Variants in METTL9 observed in about 807,000 individuals in gnomAD.
The protein encoded by METTL9 is protein-L-histidine N-pros-methyltransferase.
A neutral mutation model predicts 36.0 loss-of-function variants in METTL9; 10 were observed. That is an observed-to-expected ratio of 0.28 (90% CI 0.17 to 0.47). The LOEUF is 0.47. Ranked by LOEUF, METTL9 falls within the 20% of genes least tolerant of loss-of-function variation. The pLI is 0.99. For synonymous variants in METTL9, 175 were observed against 149.7 expected, an observed-to-expected ratio of 1.17 and a Z score of -1.23; for missense variants, 246 against 383.5, an observed-to-expected ratio of 0.64 and a Z score of 3.00.
chr16:21,605,940 G>A (rs1965275455), intron 1 of METTL9, among the ~76,000 whole-genome samples: 1 of 152,118 alleles, frequency 6.6e-6, no homozygotes, highest in Non-Finnish European at 1.5e-5. Context: ...TTCCCAGGCT[G>A]CCAGTGCTTT....
At chr16:21,611,185 C>T (rs1965416688) in intron 1 of METTL9, among the ~76,000 whole-genome samples, 2 of 152,156 alleles carry the variant, frequency 1.3e-5, no homozygotes, top group Admixed American at 1.3e-4. Flanking sequence ...AATTAGTCCA[C>T]AACTGGAAAG....
At chr16:21,638,575 C>T (rs574509049) in intron 4 of METTL9, among the ~76,000 whole-genome samples, 1 of 152,308 alleles carries the variant, frequency 6.6e-6, no homozygotes, top group South Asian at 2.1e-4. Flanking sequence ...ATGAGAATCA[C>T]GCTTTTGCTC....
At position 21,617,916 on chromosome 16, in the gene METTL9, A is replaced by T; in HGVS notation, c.408A>T (p.Arg136Ser). ...TGTTTTCACCAGATCAGTTTCAGAGACTGCTTAAAATTAATCCAGACTGGA... is the reference window on the plus strand; with the variant it reads ...TGTTTTCACCAGATCAGTTTCAGAGTCTGCTTAAAATTAATCCAGACTGGA... ...MFVFSPDQFQ[R>S]LLKINPDWKT... is the part of the protein sequence containing the mutation. The change falls in exon 3 of 5, where the codon AGA becomes AGT. Residue 136 changes from arginine (R) to serine (S), a missense_variant. Coordinates refer to ENST00000358154, the MANE Select transcript of METTL9 (RefSeq NM_016025.5). 1 of 1,613,934 alleles carries T rather than the reference A, an allele frequency of 6.2e-7. No homozygotes were observed. Among genetic ancestry groups the T allele is most frequent in the Non-Finnish European group, 8.5e-7 (1 of 1,179,982 alleles).
intron 1 of METTL9, among the ~76,000 whole-genome samples, chr16:21,600,345 C>T (rs1230856448): frequency 6.6e-6 from 1 of 152,108 alleles, no homozygotes. Context: ...CTTGTTGTCT[C>T]GTTGAATCCC....
At chr16:21,615,627 C>T (rs188599966) in intron 2 of METTL9, among the ~76,000 whole-genome samples, 1 of 152,202 alleles carries the variant, frequency 6.6e-6, no homozygotes, top group East Asian at 1.9e-4. Flanking sequence ...GTCAAGATTC[C>T]TCACATCCCA....
At chr16:21,633,001 T>C (rs1007576187) in intron 4 of METTL9, among the ~76,000 whole-genome samples, 6 of 152,174 alleles carry the variant, frequency 3.9e-5, no homozygotes, top group African/African-American at 1.4e-4. Flanking sequence ...GTTCCCCTTC[T>C]ACTAGATGAG....
chr16:21,645,350 G>A (rs1966394571), intron 4 of METTL9, among the ~76,000 whole-genome samples: 1 of 152,182 alleles, frequency 6.6e-6, no homozygotes, highest in South Asian at 2.1e-4. Flanking sequence ...CTACTCAGGA[G>A]GTTGAGGCAG....
upstream of METTL9, among the ~76,000 whole-genome samples, chr16:21,597,626 G>A (rs1006972622): frequency 6.6e-6 from 1 of 152,084 alleles, no homozygotes; most frequent in East Asian, 1.9e-4. Flanking sequence ...TCTATAGCTG[G>A]GGCATACCTT....
chr16:21,599,376 A>G, upstream of METTL9: 1 of 1,050,284 alleles, frequency 9.5e-7, no homozygotes, highest in South Asian at 3.7e-5. The surrounding 1 kb of genome is among the most constrained non-coding windows in gnomAD (Gnocchi z 4.4). Context: ...CAGGGCCGGG[A>G]CACGAGAACG....
intron 1 of METTL9, among the ~76,000 whole-genome samples, chr16:21,609,643 CG>C (rs35578323): frequency 6.6e-6 from 1 of 151,640 alleles, no homozygotes; most frequent in Admixed American, 6.6e-5. Context: ...GAGACAGCCA[CG>C]GGAAAGGGGC....
At chr16:21,615,955 C>A (rs957999338) in intron 2 of METTL9, among the ~76,000 whole-genome samples, 1 of 152,102 alleles carries the variant, frequency 6.6e-6, no homozygotes, top group Non-Finnish European at 1.5e-5. Context: ...TCTCTGAGGT[C>A]TTTCTCCAAA....
upstream of METTL9, among the ~76,000 whole-genome samples, chr16:21,597,690 C>T (rs1303057065): frequency 6.6e-6 from 1 of 152,182 alleles, no homozygotes; most frequent in East Asian, 1.9e-4. Flanking sequence ...ACTCCTGCTG[C>T]TTTCACCCCC....
At chr16:21,637,738 C>T (rs1352007947) in intron 4 of METTL9, among the ~76,000 whole-genome samples, 2 of 152,240 alleles carry the variant, frequency 1.3e-5, no homozygotes, top group Admixed American at 6.5e-5. Flanking sequence ...CCTGCCCGTG[C>T]CTCTCCCTCC....
At chr16:21,631,610 A>G (rs1046890761) in intron 4 of METTL9, among the ~76,000 whole-genome samples, 5 of 152,196 alleles carry the variant, frequency 3.3e-5, no homozygotes, top group South Asian at 2.1e-4. Flanking sequence ...GGAACCATCT[A>G]TCGTCCTGTC....
In METTL9 at chr16:21,612,791, G is replaced by A; in HGVS notation, c.312G>A (p.Val104=). 1 of 1,611,846 alleles carries A rather than the reference G, an allele frequency of 6.2e-7. No individual in the cohort carries two copies. Among genetic ancestry groups the A allele is most frequent in the East Asian group, 2.2e-5 (1 of 44,812 alleles). Residue 104 remains valine (V), a synonymous_variant, in exon 2 of 5, where the codon GTG becomes GTA. Coordinates refer to ENST00000358154, the MANE Select transcript of METTL9 (RefSeq NM_016025.5). The part of the protein sequence containing the change: ...WLFIQLYHSF[V]SSVFSLFMSR... The stretch of plus-strand genomic sequence containing the variant: ...TTATCCAATTATATCATTCTTTTGT[G>A]TCATCTGTTTTTAGCCTGTTTATGT...
At chr16:21,650,301 G>A (rs534065316) in intron 4 of METTL9, among the ~76,000 whole-genome samples, 7 of 152,262 alleles carry the variant, frequency 4.6e-5, no homozygotes, top group South Asian at 4.1e-4. Flanking sequence ...GAGGTCAGGC[G>A]TTCGAGACTA....
At position 21,655,564 on chromosome 16, in the gene METTL9, A is replaced by T. The variant is rs1035147485; in HGVS notation, c.*132A>T. On this transcript the variant is annotated 3_prime_UTR_variant, in exon 5 of 5. Coordinates refer to ENST00000358154, the MANE Select transcript of METTL9 (RefSeq NM_016025.5). ...TCTAAATATCATGTAGGAATTTAAA[A>T]AGCCAAAATACTAATTATTTCTTTG... The T allele has an allele frequency of 1.8e-5, 13 of 737,574 alleles. No homozygotes were observed. The African/African-American group carries it at 2.3e-4, about 13-fold the overall frequency. The allele number at this position is 737,574 out of a possible 1,614,324, so 45.7% of individuals were successfully genotyped here. A position where few individuals can be genotyped will look rare whatever the true frequency, so the allele number is the denominator to read the frequency against.
At chr16:21,607,318 G>C (rs1451817692) in intron 1 of METTL9, among the ~76,000 whole-genome samples, 1 of 152,106 alleles carries the variant, frequency 6.6e-6, no homozygotes, top group East Asian at 1.9e-4. Flanking sequence ...CAAGTGATCT[G>C]CCCACCTGGG....
intron 2 of METTL9, among the ~76,000 whole-genome samples, chr16:21,617,586 G>A (rs1214405718): frequency 6.7e-6 from 1 of 149,560 alleles, no homozygotes; most frequent in Non-Finnish European, 1.5e-5. Context: ...AAAATAAGCC[G>A]GGTGTGGTGG....
Sources: allele counts gnomAD v4.1 joint callset (sites outside exome capture counted in the v4.1 genomes callset), GRCh38; gene constraint gnomAD v4.1.1; non-coding constraint Gnocchi (gnomAD v3.1); transcripts MANE v1.5; gene names NCBI Gene and HGNC (gene_info 2026-07-23, HGNC 2026-07-21).